ADAMTSL1: variants seen among roughly 807,000 people sequenced by gnomAD.
ADAMTSL1 encodes the protein ADAMTS-like protein 1.
In ADAMTSL1, 126 loss-of-function variants were observed where a neutral mutation model predicts 201.8. That is an observed-to-expected ratio of 0.62 (90% confidence interval 0.54 to 0.72). The LOEUF (loss-of-function observed/expected upper bound fraction) is 0.72. ADAMTSL1 is among the 30% of genes least tolerant of loss of function. The pLI is 0.00. For missense variants in ADAMTSL1, 2,679 were observed against 2,277.8 expected (o/e 1.18, Z -3.59); for synonymous variants, 1,121 against 903.4 (o/e 1.24, Z -4.32).
chr9:18,262,500 C>T (rs1173321580), intron 2 of ADAMTSL1, among the ~76,000 whole-genome samples: 1 of 152,176 alleles, frequency 6.6e-6, no homozygotes, highest in Non-Finnish European at 1.5e-5. Context: ...AGACATTCTT[C>T]AGGGGATAGA....
chr9:18,243,535 C>G (rs994350642), intron 2 of ADAMTSL1, among the ~76,000 whole-genome samples: 4 of 151,956 alleles, frequency 2.6e-5, no homozygotes, highest in Non-Finnish European at 4.4e-5. Context: ...CCCTCAGCCT[C>G]TCTGGTACTC....
intron 1 of ADAMTSL1, among the ~76,000 whole-genome samples, chr9:17,984,672 G>T (rs1325036367): frequency 6.6e-6 from 1 of 152,078 alleles, no homozygotes; most frequent in African/African-American, 2.4e-5. Context: ...TGGACGTATT[G>T]TCAAATTACC....
chr9:18,187,980 T>G (rs1828810755), intron 2 of ADAMTSL1, among the ~76,000 whole-genome samples: 1 of 152,096 alleles, frequency 6.6e-6, no homozygotes, highest in Non-Finnish European at 1.5e-5. Flanking sequence ...GAACATGAGG[T>G]TTTGATGGGT....
chr9:18,195,557 T>A (rs996305059), intron 2 of ADAMTSL1, among the ~76,000 whole-genome samples: 4 of 152,162 alleles, frequency 2.6e-5, no homozygotes, highest in Non-Finnish European at 4.4e-5. Context: ...AAAAGTTTTT[T>A]AAAAATTATT....
At chr9:18,310,399 A>AAAAAAAAAAAAAAAAAT (rs1440483712) in intron 2 of ADAMTSL1, among the ~76,000 whole-genome samples, 1 of 127,324 alleles carries the variant, frequency 7.9e-6, no homozygotes, top group Non-Finnish European at 1.7e-5. Context: ...AAAAAAAAAA[A>AAAAAAAAAAAAAAAAAT]CTATCTTCAG....
chr9:18,004,833 G>A (rs1819749799), intron 1 of ADAMTSL1, among the ~76,000 whole-genome samples: 1 of 152,026 alleles, frequency 6.6e-6, no homozygotes, highest in South Asian at 2.1e-4. Flanking sequence ...ATTGACTGAA[G>A]GAGGAAAATT....
rs570293163 is a variant in ADAMTSL1, at chr9:18,110,323, CAA to C, written c.88-53535_88-53534del. ...TCCTCTTCAATTCATGTTGCTTCCT[CAA>C]AAAGGAACTGGATTTGCGAACTGTG... On this transcript the variant is annotated intron_variant, in intron 1 of 29. Coordinates refer to the ADAMTSL1 transcript ENST00000680146. Among the ~76,000 whole-genome samples the C allele has an allele frequency of 3.0e-4, 45 of 152,222 alleles. No homozygotes were observed. In the South Asian group the frequency reaches 8.9e-3, roughly 30 times the overall value.
Position 18,792,524 on chromosome 9 carries a change from T to G in ADAMTSL1, c.3678-2873T>G, listed in dbSNP as rs1822125660. On this transcript the variant is annotated intron_variant, in intron 19 of 28. Transcript: ENST00000380548. ...AGGGAGCCAGCTACCCTAATGGGTT[T>G]GGGAACTTAGCATATTTTAATTTCT... 1.3e-5 allele frequency among the ~76,000 whole-genome samples: 2 copies of G among 152,210 alleles called. 1 individual carries two copies. The highest frequency in any genetic ancestry group is 4.1e-4 in the South Asian group (2 of 4,830).
chr9:18,536,154 A>C (rs1425489893), intron 3 of ADAMTSL1, among the ~76,000 whole-genome samples: 2 of 152,236 alleles, frequency 1.3e-5, no homozygotes, highest in African/African-American at 4.8e-5. Flanking sequence ...ATTTTAAGAA[A>C]GAATATTTTC....
chr9:17,932,310 A>G lies in ADAMTSL1; in HGVS notation c.87+25388A>G, dbSNP rs557514351. 4.6e-5 allele frequency among the ~76,000 whole-genome samples: 7 copies of G among 152,236 alleles called. No homozygotes were observed. In the South Asian group the frequency reaches 6.2e-4, roughly 14 times the overall value. ...AGGGCGGTTGGCCACCTTTCCATCA[A>G]TTTCTCCAAGAGGGTCCCGGGTATG... On this transcript the variant is annotated intron_variant, in intron 1 of 29. Transcript: ENST00000680146.
At chr9:18,302,810 T>C (rs945553301) in intron 2 of ADAMTSL1, among the ~76,000 whole-genome samples, 4 of 152,214 alleles carry the variant, frequency 2.6e-5, no homozygotes, top group African/African-American at 9.6e-5. Flanking sequence ...AAAGTGCTCA[T>C]TGAAACAAGG....
chr9:18,800,812 GC>G (rs1822745957), intron 20 of ADAMTSL1, among the ~76,000 whole-genome samples: 1 of 152,162 alleles, frequency 6.6e-6, no homozygotes. Context: ...GCATCACGTG[GC>G]TGTACTAAGT....
At chr9:18,442,243 A>G (rs529223864) in intron 2 of ADAMTSL1, among the ~76,000 whole-genome samples, 4 of 152,362 alleles carry the variant, frequency 2.6e-5, no homozygotes, top group African/African-American at 4.8e-5. Flanking sequence ...AGGATGTGTG[A>G]TAAGTGTATA....
intron 2 of ADAMTSL1, among the ~76,000 whole-genome samples, chr9:18,305,844 C>T (rs913129032): frequency 4.6e-5 from 7 of 152,142 alleles, no homozygotes; most frequent in Admixed American, 1.3e-4. Context: ...CGCAGCACAG[C>T]ACTCAAGCTC....
intron 1 of ADAMTSL1, among the ~76,000 whole-genome samples, chr9:17,985,675 C>T (rs986397389): frequency 6.6e-6 from 1 of 152,064 alleles, no homozygotes; most frequent in Non-Finnish European, 1.5e-5. Context: ...TAATTATACA[C>T]AGAATTCCGC....
chr9:18,121,287 T>C (rs1166079090), intron 1 of ADAMTSL1, among the ~76,000 whole-genome samples: 1 of 152,194 alleles, frequency 6.6e-6, no homozygotes, highest in African/African-American at 2.4e-5. Context: ...AATGATTCCA[T>C]TTTTATAAGA....
At chr9:18,128,611 C>T (rs564371701) in intron 1 of ADAMTSL1, among the ~76,000 whole-genome samples, 5 of 152,058 alleles carry the variant, frequency 3.3e-5, no homozygotes, top group South Asian at 2.1e-4. Flanking sequence ...GTGCCTGGCC[C>T]GACAGTTTGA....
intron 4 of ADAMTSL1, among the ~76,000 whole-genome samples, chr9:18,608,172 CT>C (rs1825150125): frequency 6.6e-6 from 1 of 152,132 alleles, no homozygotes; most frequent in Non-Finnish European, 1.5e-5. Context: ...AATTTGGGTA[CT>C]TTTAAGGGGA....
intron 3 of ADAMTSL1, among the ~76,000 whole-genome samples, chr9:18,539,418 A>G (rs1312140019): frequency 6.6e-6 from 1 of 152,216 alleles, no homozygotes; most frequent in African/African-American, 2.4e-5. Flanking sequence ...TGATTCTTTC[A>G]CCGCTGCATA....
Sources: allele counts gnomAD v4.1 joint callset (sites outside exome capture counted in the v4.1 genomes callset), GRCh38; gene constraint gnomAD v4.1.1; transcripts MANE v1.5; gene names NCBI Gene and HGNC (gene_info 2026-07-23, HGNC 2026-07-21).